Variants in PMFBP1 observed in about 807,000 individuals in gnomAD.
PMFBP1 encodes the protein polyamine-modulated factor 1-binding protein 1.
Under a neutral mutation model 137.8 loss-of-function variants are expected in PMFBP1, and 131 were observed. The ratio of observed to expected loss-of-function variants is 0.95; its 90% confidence interval spans 0.82 to 1.10. PMFBP1 has a LOEUF of 1.10. Among genes scored for constraint, PMFBP1 ranks in the 50% least tolerant of loss-of-function variants. The pLI is 0.00. For synonymous variants in PMFBP1, 490 were observed against 450.4 expected (o/e 1.09, Z -1.11); for missense variants, 1,199 against 1,175.4 (o/e 1.02, Z -0.29).
chr16:72,244,105 T>C, the PMFBP1 span, among the ~76,000 whole-genome samples: 1 of 152,146 alleles, frequency 6.6e-6, no homozygotes, highest in Non-Finnish European at 1.5e-5. Context: ...ATTAAACGTG[T>C]GCTCAAAATC....
In PMFBP1 at chr16:72,164,927, A is replaced by G. The variant is rs777747426; in HGVS notation, c.13-11T>C. 1 of 1,574,562 alleles carries G rather than the reference A, an allele frequency of 6.4e-7. No individual in the cohort carries two copies. ...GTCTCTCTCCCCCGCCTAGGCAGCC[A>G]GAAAAACAAAAGCATCAATTATAAA... is the stretch of plus-strand genomic sequence containing the variant. On this transcript the variant is annotated splice_polypyrimidine_tract_variant and intron_variant, in intron 2 of 20. Transcript: ENST00000237353.
the PMFBP1 span, among the ~76,000 whole-genome samples, chr16:72,191,105 C>A: frequency 6.6e-6 from 1 of 152,136 alleles, no homozygotes; most frequent in Non-Finnish European, 1.5e-5. Flanking sequence ...CCATCCTGCC[C>A]GAGGCCTTGA....
intron 4 of PMFBP1, among the ~76,000 whole-genome samples, chr16:72,153,926 ACAC>A (rs1369610818): frequency 3.6e-5 from 1 of 28,044 alleles, no homozygotes; most frequent in African/African-American, 2.6e-4. Flanking sequence ...ACTTATACAC[ACAC>A]ACACACACAC....
chr16:72,153,282 T>C (rs2042930457), intron 4 of PMFBP1, among the ~76,000 whole-genome samples: 1 of 152,188 alleles, frequency 6.6e-6, no homozygotes, highest in Non-Finnish European at 1.5e-5. Flanking sequence ...AGATTTTCAC[T>C]AGGTGACAAT....
the PMFBP1 span, among the ~76,000 whole-genome samples, chr16:72,215,632 G>A: frequency 1.3e-5 from 2 of 152,156 alleles, no homozygotes; most frequent in Non-Finnish European, 1.5e-5. Flanking sequence ...TTTCAAGAAG[G>A]CAAATTATAC....
chr16:72,207,496 C>G, the PMFBP1 span, among the ~76,000 whole-genome samples: 1 of 152,072 alleles, frequency 6.6e-6, no homozygotes, highest in Non-Finnish European at 1.5e-5. Context: ...TGCTGGGACA[C>G]AGAGAATAAC....
At chr16:72,189,086 C>G in the PMFBP1 span, among the ~76,000 whole-genome samples, 4 of 151,656 alleles carry the variant, frequency 2.6e-5, no homozygotes, top group African/African-American at 9.7e-5. Context: ...AACAAATACA[C>G]AGTACTTTGG....
Position 72,123,607 on chromosome 16 carries a change from T to C in PMFBP1, c.2632A>G (p.Arg878Gly). Residue 878 changes from arginine to glycine, a missense_variant, in exon 18 of 21, where the codon AGG becomes GGG. Physicochemically the swap from Arg to Gly is moderately radical, Grantham distance 125. Transcript: ENST00000237353. The stretch of plus-strand genomic sequence containing the variant: ...ATCTGATCATTCCCTCGGTAGAGCC[T>C]ACAGGTGTCTTTGGGCACAGACCAC... ...PQWSVPKDTC[R>G]LYRGNDQIMT... The C allele has an allele frequency of 2.5e-6, 4 of 1,614,126 alleles. No individual in the cohort carries two copies. Among genetic ancestry groups the C allele is most frequent in the Non-Finnish European group, 3.4e-6 (4 of 1,179,976 alleles).
Position 72,154,148 on chromosome 16 carries a change from C to T in PMFBP1, c.414+63G>A, listed in dbSNP as rs1329812071. 14 of 1,580,786 alleles carry T rather than the reference C, an allele frequency of 8.9e-6. No homozygotes were observed. In the East Asian group the frequency reaches 3.1e-4, roughly 36 times the overall value. The stretch of plus-strand genomic sequence containing the variant: ...AGTCCAGCGTCTGCTTTCTAGTGGG[C>T]TTGGTCTGATTTCTGCAGGTACCTA... On this transcript the variant is annotated intron_variant, in intron 4 of 20. Transcript: ENST00000237353.
At chr16:72,180,457 T>C (rs1416204655), upstream of PMFBP1, among the ~76,000 whole-genome samples, 7 of 152,152 alleles carry the variant, frequency 4.6e-5, no homozygotes, top group Admixed American at 3.3e-4. Context: ...GTGTTGAGTT[T>C]CTCAGTGGAG....
the PMFBP1 span, among the ~76,000 whole-genome samples, chr16:72,183,965 T>A: frequency 6.6e-6 from 1 of 152,214 alleles, no homozygotes; most frequent in African/African-American, 2.4e-5. Flanking sequence ...GGGCCCTTTT[T>A]GGTCCTTATT....
the PMFBP1 span, among the ~76,000 whole-genome samples, chr16:72,246,123 A>G: frequency 2.6e-5 from 4 of 152,200 alleles, no homozygotes; most frequent in Admixed American, 1.3e-4. Flanking sequence ...ATTCACTCTC[A>G]TCGGCTAATA....
chr16:72,129,528 C>T (rs939742344), intron 12 of PMFBP1, among the ~76,000 whole-genome samples: 1 of 152,108 alleles, frequency 6.6e-6, no homozygotes, highest in Non-Finnish European at 1.5e-5. Flanking sequence ...TTATCAAAAA[C>T]CTTTTTGAAT....
chr16:72,175,116 G>A (rs180679818), upstream of PMFBP1, among the ~76,000 whole-genome samples: 394 of 152,366 alleles, frequency 2.6e-3, 1 homozygote, highest in South Asian at 8.1e-3. Flanking sequence ...TTGAGAGAAA[G>A]AGGACAGAAT....
Position 72,171,220 on chromosome 16 carries a change from C to T in PMFBP1, c.-12G>A, listed in dbSNP as rs757122608. The T allele has an allele frequency of 1.2e-6, 2 of 1,613,762 alleles. No individual in the cohort carries two copies. The highest frequency in any genetic ancestry group is 1.7e-6 in the Non-Finnish European group (2 of 1,179,736). ...ACCTCATCTTTCATTTCCTTGGCAG[C>T]TCTCAATTCTCCTTTAACCTTTAGT... is the stretch of plus-strand genomic sequence containing the variant. On this transcript the variant is annotated 5_prime_UTR_variant, in exon 2 of 21. Transcript: ENST00000237353.
chr16:72,129,355 T>G, intron 12 of PMFBP1, 122 bp from the exon 13 acceptor site: 1 of 1,101,126 alleles, frequency 9.1e-7, no homozygotes, highest in Non-Finnish European at 1.2e-6. Context: ...CTTAGTTATA[T>G]AGCATATGTA....
At chr16:72,133,077 A>G (rs958826613) in intron 9 of PMFBP1, 86 bp from the exon 10 acceptor site, 7 of 1,510,030 alleles carry the variant, frequency 4.6e-6, no homozygotes, top group Non-Finnish European at 6.3e-6. Flanking sequence ...CCCTCATCCA[A>G]GCCACTGGCA....
At chr16:72,171,341 G>A in intron 1 of PMFBP1, 73 bp from the exon 2 acceptor site, 1 of 1,020,798 alleles carries the variant, frequency 9.8e-7, no homozygotes, top group Non-Finnish European at 1.5e-6. Context: ...TTCCCAGCTG[G>A]ATCTATGCCC....
the PMFBP1 span, among the ~76,000 whole-genome samples, chr16:72,241,476 C>T: frequency 2.0e-5 from 3 of 152,162 alleles, no homozygotes; most frequent in African/African-American, 4.8e-5. Context: ...ACAGTGGGTT[C>T]AGTTAATTAC....
Sources: gnomAD v4.1 joint callset for allele counts (sites outside exome capture counted in the v4.1 genomes callset) on GRCh38, gnomAD v4.1.1 for gene constraint, MANE v1.5 for transcripts, NCBI Gene and HGNC (gene_info 2026-07-23, HGNC 2026-07-21) for gene names.